Variants in DIP2C observed in about 807,000 individuals in gnomAD.
DIP2C encodes the protein disco-interacting protein 2 homolog C.
In DIP2C, 33 loss-of-function variants were observed where a neutral mutation model predicts 192.4. That is an observed-to-expected ratio of 0.17 (90% CI 0.13 to 0.23). The LOEUF (loss-of-function observed/expected upper bound fraction) is 0.23. DIP2C is among the 10% of genes least tolerant of loss of function. The pLI, the probability that DIP2C is intolerant of heterozygous loss-of-function variation, is 1.00. For missense variants in DIP2C, 1,537 were observed against 2,110.1 expected, an observed-to-expected ratio of 0.73 and a Z score of 5.32; for synonymous variants, 979 against 864.1, an observed-to-expected ratio of 1.13 and a Z score of -2.33.
intron 1 of DIP2C, among the ~76,000 whole-genome samples, chr10:681,901 C>G (rs1021586246): frequency 6.6e-5 from 10 of 152,184 alleles, no homozygotes; most frequent in Non-Finnish European, 1.5e-4. Context: ...GTGGAGGGCC[C>G]CCCAACACTC....
chr10:520,812 A>G (rs1409750276), intron 1 of DIP2C, among the ~76,000 whole-genome samples: 5 of 152,270 alleles, frequency 3.3e-5, no homozygotes, highest in Admixed American at 3.3e-4. Flanking sequence ...AAGAACACTA[A>G]TTCTACTTCC....
chr10:334,765 C>G (rs1483635056), intron 29 of DIP2C, among the ~76,000 whole-genome samples: 1 of 152,192 alleles, frequency 6.6e-6, no homozygotes, highest in Non-Finnish European at 1.5e-5. Context: ...TCTGGACTCT[C>G]AATTCTGTTT....
At chr10:366,219 G>A in intron 19 of DIP2C, 56 bp downstream of exon 19, 1 of 1,596,590 alleles carries the variant, frequency 6.3e-7, no homozygotes, top group Non-Finnish European at 8.5e-7. Flanking sequence ...CCTGGCAAGG[G>A]CTCTTTGGAG....
chr10:503,099 A>G (rs889509761), intron 1 of DIP2C, among the ~76,000 whole-genome samples: 1 of 152,020 alleles, frequency 6.6e-6, no homozygotes, highest in African/African-American at 2.4e-5. Context: ...CAGACTTACC[A>G]CGATTCCAAC....
intron 13 of DIP2C, among the ~76,000 whole-genome samples, 191 bp from the exon 14 acceptor site, chr10:388,000 G>A (rs773686929): frequency 3.3e-5 from 5 of 152,182 alleles, no homozygotes; most frequent in Non-Finnish European, 7.3e-5. Context: ...GGAGTTTCTC[G>A]ACAGATATCC....
intron 1 of DIP2C, among the ~76,000 whole-genome samples, chr10:496,725 G>T (rs1204936547): frequency 6.6e-6 from 1 of 150,376 alleles, no homozygotes; most frequent in Non-Finnish European, 1.5e-5. Flanking sequence ...TGAGTGCATA[G>T]AACCCATGGT....
intron 18 of DIP2C, among the ~76,000 whole-genome samples, chr10:366,956 C>G (rs1960301632): frequency 6.6e-6 from 1 of 152,198 alleles, no homozygotes; most frequent in African/African-American, 2.4e-5. Context: ...TACATACCCC[C>G]CAACTGCAAT....
At chr10:568,595 G>A (rs532914407) in intron 1 of DIP2C, among the ~76,000 whole-genome samples, 8 of 151,602 alleles carry the variant, frequency 5.3e-5, no homozygotes, top group South Asian at 4.2e-4. Context: ...GTGAAACCCC[G>A]TCTCTACTAA....
chr10:417,490 C>A, intron 6 of DIP2C, among the ~76,000 whole-genome samples: 1 of 152,242 alleles, frequency 6.6e-6, no homozygotes, highest in African/African-American at 2.4e-5. Context: ...CAGGAAAAGT[C>A]ATCGCACTGG....
At chr10:314,252 A>G (rs1181924348) in intron 31 of DIP2C, among the ~76,000 whole-genome samples, 1 of 152,230 alleles carries the variant, frequency 6.6e-6, no homozygotes, top group Non-Finnish European at 1.5e-5. Flanking sequence ...CAAAACCAGT[A>G]GCTAAATATG....
At chr10:683,480 C>T (rs575952934) in intron 1 of DIP2C, among the ~76,000 whole-genome samples, 4 of 152,056 alleles carry the variant, frequency 2.6e-5, no homozygotes, top group African/African-American at 9.7e-5. Context: ...GAGGTGGAGG[C>T]GTTCGGGAAG....
chr10:394,467 G>GA (rs1963788899), intron 10 of DIP2C, among the ~76,000 whole-genome samples: 1 of 152,002 alleles, frequency 6.6e-6, no homozygotes, highest in African/African-American at 2.4e-5. Flanking sequence ...AGGGAAGTCT[G>GA]CCGTGTGCTG....
At chr10:552,827 C>T (rs757194411) in intron 1 of DIP2C, among the ~76,000 whole-genome samples, 5 of 152,282 alleles carry the variant, frequency 3.3e-5, no homozygotes, top group East Asian at 1.9e-4. Context: ...CCAGCCTGGG[C>T]GCCAGAGCAA....
chr10:528,468 C>A (rs2130848956), intron 1 of DIP2C, among the ~76,000 whole-genome samples: 1 of 152,208 alleles, frequency 6.6e-6, no homozygotes, highest in South Asian at 2.1e-4. Context: ...TTGCTACTCA[C>A]ATTCATCTTA....
At chr10:673,142 G>A (rs963364922) in intron 1 of DIP2C, among the ~76,000 whole-genome samples, 15 of 152,268 alleles carry the variant, frequency 9.9e-5, no homozygotes, top group African/African-American at 3.6e-4. Context: ...GAGCACCCAG[G>A]ATGGCTGTGG....
rs945801816 is a variant in DIP2C, at chr10:468,686, C to A, written c.268+3753G>T. On this transcript the variant is annotated intron_variant, in intron 3 of 36. Transcript: ENST00000280886. ...GAGGCAGGAGAATCGCTTGAACCCACGAGGCAGAGTTTGTGGCGTGACCTG... is the reference window on the plus strand; with the variant it reads ...GAGGCAGGAGAATCGCTTGAACCCAAGAGGCAGAGTTTGTGGCGTGACCTG... Among the ~76,000 whole-genome samples, 50 of 152,094 alleles carry A rather than the reference C, an allele frequency of 3.3e-4. 1 individual carries two copies. The highest frequency in any genetic ancestry group is 3.3e-3 in the Admixed American group (50 of 15,262).
At chr10:644,935 T>G (rs987752085) in intron 1 of DIP2C, among the ~76,000 whole-genome samples, 1 of 152,002 alleles carries the variant, frequency 6.6e-6, no homozygotes. Flanking sequence ...CGAATTACAG[T>G]GAAGATGGAT....
chr10:520,838 GC>G (rs1479016429), intron 1 of DIP2C, among the ~76,000 whole-genome samples: 1 of 152,138 alleles, frequency 6.6e-6, no homozygotes, highest in African/African-American at 2.4e-5. Flanking sequence ...TTAATATGTT[GC>G]CTCCATCTGC....
At chr10:325,014 C>G (rs776171850) in intron 31 of DIP2C, 8 of 520,814 alleles carry the variant, frequency 1.5e-5, no homozygotes, top group South Asian at 1.1e-4. Flanking sequence ...GCCTGTAATC[C>G]CAGCACTTTA....
Sources: allele counts gnomAD v4.1 joint callset (sites outside exome capture counted in the v4.1 genomes callset), GRCh38; gene constraint gnomAD v4.1.1; transcripts MANE v1.5; gene names NCBI Gene and HGNC (gene_info 2026-07-23, HGNC 2026-07-21).